The following RAB3IL1 variants were observed in gnomAD, a reference collection of about 807,000 sequenced individuals.
RAB3IL1 encodes the protein guanine nucleotide exchange factor for Rab-3A.
RAB3IL1 carries 37 observed loss-of-function variants against 49.2 expected under a neutral mutation model. That is an observed-to-expected ratio of 0.75 (90% confidence interval 0.58 to 0.99). The LOEUF is 0.99. RAB3IL1 is among the 50% of genes least tolerant of loss of function. The probability of loss-of-function intolerance (pLI) is 0.00; values close to 1 mark genes in which losing one functional copy is unlikely to be tolerated. For synonymous variants in RAB3IL1, 193 were observed against 213.9 expected (o/e 0.90, Z 0.85); for missense variants, 484 against 513.0 (o/e 0.94, Z 0.55).
chr11:61,930,237 T>C, the RAB3IL1 span, among the ~76,000 whole-genome samples: 2 of 151,746 alleles, frequency 1.3e-5, no homozygotes, highest in African/African-American at 4.8e-5. Flanking sequence ...GAATAGAAAA[T>C]AGAGAATGGA....
chr11:61,923,761 G>A (rs1461531294), upstream of RAB3IL1, among the ~76,000 whole-genome samples: 1 of 152,228 alleles, frequency 6.6e-6, no homozygotes, highest in Non-Finnish European at 1.5e-5. Flanking sequence ...CAGCTGTGCA[G>A]GGTGTTTGGA....
chr11:61,945,218 G>A, the RAB3IL1 span, among the ~76,000 whole-genome samples: 1 of 152,218 alleles, frequency 6.6e-6, no homozygotes, highest in Non-Finnish European at 1.5e-5. Context: ...CTGACAGATG[G>A]ATGACCCTTC....
chr11:61,916,255 C>T (rs543487516), intron 1 of RAB3IL1, among the ~76,000 whole-genome samples: 318 of 150,634 alleles, frequency 2.1e-3, no homozygotes, highest in Middle Eastern at 7.0e-3. Flanking sequence ...CTGAGTCAGG[C>T]GAATTGCTTG....
the RAB3IL1 span, among the ~76,000 whole-genome samples, chr11:61,927,125 T>A: frequency 1.2e-4 from 18 of 152,206 alleles, no homozygotes; most frequent in Non-Finnish European, 2.9e-5. Flanking sequence ...ACTATAGGCA[T>A]GAGCCAACGC....
In RAB3IL1 at chr11:61,907,385, G is replaced by A. The variant is rs1176725420; in HGVS notation, c.438+8C>T. On this transcript the variant is annotated splice_region_variant and intron_variant, in intron 4 of 9. Coordinates refer to ENST00000394836, the MANE Select transcript of RAB3IL1 (RefSeq NM_013401.4). Reference sequence around the variant, plus strand: ...GGGCTGGCCTGGGCAGGCGGGGATGGGCCTCACCTTGCCCCGAGCCTCCTT... The same window carrying A: ...GGGCTGGCCTGGGCAGGCGGGGATGAGCCTCACCTTGCCCCGAGCCTCCTT... The A allele has an allele frequency of 6.2e-7, 1 of 1,612,656 alleles. No individual in the cohort carries two copies. Among genetic ancestry groups the A allele is most frequent in the Non-Finnish European group, 8.5e-7 (1 of 1,179,732 alleles).
chr11:61,898,407 CCT>C lies in RAB3IL1; in HGVS notation c.1067-49_1067-48del. On this transcript the variant is annotated intron_variant, in intron 9 of 9. Transcript: ENST00000394836. The surrounding 1 kb of genome is among the most constrained non-coding windows in gnomAD (Gnocchi z 5.1). Reference sequence around the variant, plus strand: ...ACAGGTCGGGGACAGCTCAGGGTCACCTCGGGCAGATGGCCAGGTCCCCTCCT... The same window carrying C: ...ACAGGTCGGGGACAGCTCAGGGTCACCGGGCAGATGGCCAGGTCCCCTCCT... The C allele has an allele frequency of 6.4e-7, 1 of 1,557,966 alleles. No homozygotes were observed. The highest frequency in any genetic ancestry group is 1.1e-5 in the South Asian group (1 of 89,888).
intron 8 of RAB3IL1, among the ~76,000 whole-genome samples, chr11:61,899,945 A>C (rs1282685489): frequency 1.3e-5 from 2 of 152,234 alleles, no homozygotes; most frequent in Non-Finnish European, 2.9e-5. Flanking sequence ...GTGTTGGCTC[A>C]GACACTGCTA....
rs560197013 is a variant in RAB3IL1, at chr11:61,900,328, C to T, written c.1000-948G>A. On this transcript the variant is annotated intron_variant, in intron 8 of 9. Transcript: ENST00000394836. ...AGCCTAAGACAGGGTGGAAGGTAGC[C>T]GGCGGCTGTGCCCGCCCGCAACAGC... 6.4e-4 allele frequency among the ~76,000 whole-genome samples: 97 copies of T among 152,350 alleles called. 3 individuals carry two copies. The highest frequency in any genetic ancestry group is 6.5e-4 in the African/African-American group (27 of 41,570).
intron 2 of RAB3IL1, 128 bp from the exon 3 acceptor site, chr11:61,907,788 G>T: frequency 1.1e-6 from 1 of 944,680 alleles, no homozygotes; most frequent in Non-Finnish European, 1.6e-6. Context: ...TATTTCCTCT[G>T]GTGCCTGACA....
At chr11:61,945,557 T>A in the RAB3IL1 span, among the ~76,000 whole-genome samples, 3 of 152,178 alleles carry the variant, frequency 2.0e-5, no homozygotes, top group South Asian at 6.2e-4. Flanking sequence ...AAACTTACCA[T>A]TCTTTCACAG....
chr11:61,923,863 T>C (rs554641337), upstream of RAB3IL1, among the ~76,000 whole-genome samples: 1 of 151,978 alleles, frequency 6.6e-6, no homozygotes, highest in Non-Finnish European at 1.5e-5. Flanking sequence ...TGGTTCTGGC[T>C]CCAGGGAGAG....
chr11:61,933,988 TACCAGTGAGGACTCAGAACAAAATGA>T, the RAB3IL1 span, among the ~76,000 whole-genome samples: 2 of 152,024 alleles, frequency 1.3e-5, no homozygotes, highest in Non-Finnish European at 2.9e-5. Context: ...ATTAAGGCTC[TACCAGTGAGGACTCAGAACAAAATGA>T]AGAAAATGTT....
intron 8 of RAB3IL1, chr11:61,899,755 G>GC: frequency 4.9e-6 from 1 of 204,848 alleles, no homozygotes. Flanking sequence ...CTGTCCCGGA[G>GC]TCTACACTCG....
intron 1 of RAB3IL1, among the ~76,000 whole-genome samples, chr11:61,908,823 G>A (rs1380640809): frequency 6.6e-6 from 1 of 152,220 alleles, no homozygotes; most frequent in Non-Finnish European, 1.5e-5. Flanking sequence ...TGAGGCCAGG[G>A]CAGGCAGGGC....
chr11:61,915,442 G>A (rs965144802), intron 1 of RAB3IL1, among the ~76,000 whole-genome samples: 4 of 152,064 alleles, frequency 2.6e-5, no homozygotes, highest in East Asian at 3.9e-4. Flanking sequence ...TCTGACCTGC[G>A]ATCACTCCCA....
rs1178935744 is a variant in RAB3IL1, at chr11:61,898,608, G to A, written c.1067-248C>T. The stretch of plus-strand genomic sequence containing the variant: ...CACTACACTGACGGCCACCCCCACA[G>A]CCCGACGCAGACAAGCAGGTACACG... On this transcript the variant is annotated intron_variant, in intron 9 of 9. Transcript: ENST00000394836. This position sits in a 1 kb window ranked among gnomAD's most constrained non-coding sequence, Gnocchi z 5.1. Among the ~76,000 whole-genome samples the A allele has an allele frequency of 2.0e-5, 3 of 152,202 alleles. No individual in the cohort carries two copies. The highest frequency in any genetic ancestry group is 4.4e-5 in the Non-Finnish European group (3 of 68,040).
At chr11:61,932,769 ATT>A in the RAB3IL1 span, among the ~76,000 whole-genome samples, 2,760 of 133,796 alleles carry the variant, frequency 0.021, 48 homozygotes, top group African/African-American at 0.071. Flanking sequence ...ACTATAGTTC[ATT>A]TTTTTTTTTT....
At chr11:61,910,970 C>T (rs980617042) in intron 1 of RAB3IL1, among the ~76,000 whole-genome samples, 4 of 152,188 alleles carry the variant, frequency 2.6e-5, no homozygotes, top group East Asian at 1.9e-4. Context: ...CCATGGGGGC[C>T]GAGCTTCATC....
Position 61,902,446 on chromosome 11 carries a change from G to A in RAB3IL1, c.995C>T (p.Ala332Val), listed in dbSNP as rs1938963951. Residue 332 changes from alanine (A) to valine (V), a missense_variant, in exon 8 of 10, where the codon GCC (alanine) becomes GTC (valine). Coordinates refer to ENST00000394836, the MANE Select transcript of RAB3IL1 (RefSeq NM_013401.4). ...CGCTTGCAAAGGCTGACTCACCCTG[G>A]CCCGGGAAGATGGCGAGATGTAGTA... The part of the protein sequence containing the change: ...SHYYISPSSR[A>V]RITAVCNFFT... 2 of 1,588,346 alleles carry A rather than the reference G, an allele frequency of 1.3e-6. No individual in the cohort carries two copies. Among genetic ancestry groups the A allele is most frequent in the Non-Finnish European group, 1.7e-6 (2 of 1,169,148 alleles).
Sources: allele counts gnomAD v4.1 joint callset (sites outside exome capture counted in the v4.1 genomes callset), GRCh38; gene constraint gnomAD v4.1.1; non-coding constraint Gnocchi (gnomAD v3.1); transcripts MANE v1.5; gene names NCBI Gene and HGNC (gene_info 2026-07-23, HGNC 2026-07-21).